ASCC3: variants seen among roughly 807,000 people sequenced by gnomAD.
The protein encoded by ASCC3 is activating signal cointegrator 1 complex subunit 3.
In ASCC3, 158 loss-of-function variants were observed where a neutral mutation model predicts 256.3. The observed-to-expected ratio is 0.62, with a 90% CI of 0.54 to 0.70. The LOEUF is 0.70. Ranked by LOEUF, ASCC3 falls within the 30% of genes least tolerant of loss-of-function variation. The pLI is 0.00. For missense variants in ASCC3, 2,259 were observed against 2,626.0 expected (o/e 0.86, Z 3.05); for synonymous variants, 948 against 883.4 (o/e 1.07, Z -1.30).
At chr6:100,643,549 T>C (rs530773448) in intron 23 of ASCC3, among the ~76,000 whole-genome samples, 4 of 152,154 alleles carry the variant, frequency 2.6e-5, no homozygotes, top group Non-Finnish European at 5.9e-5. Context: ...AAGAACATCA[T>C]AGTGTACGTA....
At chr6:100,582,959 C>G (rs1382434352) in intron 36 of ASCC3, among the ~76,000 whole-genome samples, 1 of 152,146 alleles carries the variant, frequency 6.6e-6, no homozygotes, top group Non-Finnish European at 1.5e-5. Flanking sequence ...GGTGGATAAG[C>G]TTTTTGATGT....
intron 36 of ASCC3, among the ~76,000 whole-genome samples, chr6:100,560,795 A>ACACG (rs1769900254): frequency 1.3e-5 from 2 of 150,156 alleles, no homozygotes; most frequent in African/African-American, 4.9e-5. Context: ...ACACACACGC[A>ACACG]CACATAACAG....
intron 19 of ASCC3, among the ~76,000 whole-genome samples, chr6:100,651,161 G>A (rs2114911390): frequency 6.6e-6 from 1 of 151,858 alleles, no homozygotes; most frequent in African/African-American, 2.4e-5. Flanking sequence ...GAAGTACTAT[G>A]ATTCAAAGTA....
rs758216611 is a variant in ASCC3 at position 100,646,719 on chromosome 6, G to A, written c.3529C>T (p.His1177Tyr). Residue 1177 changes from histidine (H) to tyrosine (Y), a missense_variant, in exon 22 of 42, where the codon CAT (histidine) becomes TAT (tyrosine). His to Tyr is a moderately conservative substitution (Grantham distance 83). This residue lies in a region of ASCC3 where 1,839 missense variants were observed against 2,206.7 expected (regional missense o/e 0.83). Coordinates refer to ENST00000369162, the MANE Select transcript of ASCC3 (RefSeq NM_006828.4). Reference protein sequence around the residue: ...NIGLKVKQCVHQIPSVMMEAS... With the variant: ...NIGLKVKQCVYQIPSVMMEAS... ...TCCATCATAACAGAAGGAATCTGATGAACACATTGTTTGACCTTCAGTCCA... is the reference window on the plus strand; with the variant it reads ...TCCATCATAACAGAAGGAATCTGATAAACACATTGTTTGACCTTCAGTCCA... 1 of 1,613,866 alleles carries A rather than the reference G, an allele frequency of 6.2e-7. No individual in the cohort carries two copies. Among genetic ancestry groups the A allele is most frequent in the Non-Finnish European group, 8.5e-7 (1 of 1,179,832 alleles).
chr6:100,794,328 A>G (rs1311139300), intron 8 of ASCC3, among the ~76,000 whole-genome samples: 1 of 152,110 alleles, frequency 6.6e-6, no homozygotes, highest in Non-Finnish European at 1.5e-5. Context: ...CACTCTCCAC[A>G]TATGGCCTAC....
At chr6:100,690,282 C>T (rs1044200155) in intron 13 of ASCC3, among the ~76,000 whole-genome samples, 3 of 151,966 alleles carry the variant, frequency 2.0e-5, no homozygotes, top group Non-Finnish European at 2.9e-5. Flanking sequence ...TCTACGTGTC[C>T]AGTACAGATG....
chr6:100,536,839 AGCTGGG>A (rs1213762669), intron 37 of ASCC3, among the ~76,000 whole-genome samples: 1 of 152,168 alleles, frequency 6.6e-6, no homozygotes, highest in Non-Finnish European at 1.5e-5. Flanking sequence ...CCGATTCCAA[AGCTGGG>A]GCAGGGACAG....
intron 13 of ASCC3, among the ~76,000 whole-genome samples, chr6:100,681,094 C>T (rs1209799021): frequency 2.0e-5 from 3 of 152,028 alleles, no homozygotes; most frequent in Admixed American, 6.6e-5. Flanking sequence ...ATAAACTTGT[C>T]AAGGTAAGTG....
intron 1 of ASCC3, among the ~76,000 whole-genome samples, chr6:100,877,917 CCAAA>C (rs979422337): frequency 1.3e-5 from 2 of 152,040 alleles, no homozygotes; most frequent in African/African-American, 4.8e-5. Flanking sequence ...AAGGTGGTGA[CCAAA>C]CACAGAGCAA....
At chr6:100,873,458 G>A (rs1459545209) in intron 1 of ASCC3, among the ~76,000 whole-genome samples, 1 of 152,076 alleles carries the variant, frequency 6.6e-6, no homozygotes, top group Non-Finnish European at 1.5e-5. Context: ...ATATTTGGGG[G>A]AATAATCTAA....
At chr6:100,855,043 A>G (rs1772873913) in intron 3 of ASCC3, among the ~76,000 whole-genome samples, 1 of 152,080 alleles carries the variant, frequency 6.6e-6, no homozygotes, top group African/African-American at 2.4e-5. Flanking sequence ...ATTTTCTTAT[A>G]TTTAAGGAAT....
At chr6:100,748,255 T>G (rs1780777774) in intron 10 of ASCC3, among the ~76,000 whole-genome samples, 1 of 151,874 alleles carries the variant, frequency 6.6e-6, no homozygotes, top group Non-Finnish European at 1.5e-5. Context: ...GAACAGTCAA[T>G]GTAGCACAAT....
intron 4 of ASCC3, among the ~76,000 whole-genome samples, chr6:100,814,676 A>G (rs1012850235): frequency 2.0e-5 from 3 of 152,020 alleles, no homozygotes; most frequent in African/African-American, 7.2e-5. Flanking sequence ...TTAGGAAGGT[A>G]TATGTGTCCA....
intron 13 of ASCC3, among the ~76,000 whole-genome samples, chr6:100,681,364 G>C (rs1271758497): frequency 6.6e-6 from 1 of 152,116 alleles, no homozygotes; most frequent in African/African-American, 2.4e-5. Context: ...TAAATCTTGA[G>C]ATTTCATACT....
At chr6:100,854,913 TCACTTCAGTGCAA>T (rs1436295549) in intron 3 of ASCC3, among the ~76,000 whole-genome samples, 3 of 152,166 alleles carry the variant, frequency 2.0e-5, no homozygotes, top group Non-Finnish European at 4.4e-5. Context: ...AAGATTATTT[TCACTTCAGTGCAA>T]CACTTCAGTA....
intron 34 of ASCC3, among the ~76,000 whole-genome samples, chr6:100,591,336 A>G (rs1013167730): frequency 2.6e-5 from 4 of 152,202 alleles, no homozygotes; most frequent in East Asian, 1.9e-4. Context: ...CATTCAAGCC[A>G]TATAAAAGAT....
At position 100,509,080 on chromosome 6, in the gene ASCC3, A is replaced by G; in HGVS notation, c.*306T>C. The G allele has an allele frequency of 2.7e-6, 1 of 373,134 alleles. No homozygotes were observed. The highest frequency in any genetic ancestry group is 5.1e-6 in the Non-Finnish European group (1 of 195,882). The allele number at this position is 373,134 out of a possible 1,614,324, so 23.1% of individuals were successfully genotyped here. A position where few individuals can be genotyped will look rare whatever the true frequency, so the allele number is the denominator to read the frequency against. ...TAAACAGTACATTGTGAGATGTAAAATTTGATTGATAGCTCCTAAATATCA... is the reference window on the plus strand; with the variant it reads ...TAAACAGTACATTGTGAGATGTAAAGTTTGATTGATAGCTCCTAAATATCA... On this transcript the variant is annotated 3_prime_UTR_variant, in exon 42 of 42. Coordinates refer to ENST00000369162, the MANE Select transcript of ASCC3 (RefSeq NM_006828.4).
At chr6:100,809,274 C>A (rs542046504) in intron 4 of ASCC3, among the ~76,000 whole-genome samples, 233 of 152,032 alleles carry the variant, frequency 1.5e-3, no homozygotes, top group Non-Finnish European at 2.5e-3. Flanking sequence ...TATAACAATA[C>A]CTAGCTTAAA....
rs1285632575 is a variant in ASCC3, at chr6:100,509,832, G to A, written c.6461+100C>T. ...GAACCCGGGAGGCGGAGCTTGCAGT[G>A]AGCAGAGATCGCGCCACTGCACTCC... is the stretch of plus-strand genomic sequence containing the variant. On this transcript the variant is annotated intron_variant, in intron 41 of 41. Coordinates refer to ENST00000369162, the MANE Select transcript of ASCC3 (RefSeq NM_006828.4). 4.1e-6 allele frequency: 5 copies of A among 1,227,134 alleles called. No individual in the cohort carries two copies. In the East Asian group the frequency reaches 1.2e-4, roughly 29 times the overall value. 76.0% of individuals were successfully genotyped at this position (1,227,134 alleles called of 1,614,324 possible). A position where few individuals can be genotyped will look rare whatever the true frequency, so the allele number is the denominator to read the frequency against.
Sources: allele counts gnomAD v4.1 joint callset (sites outside exome capture counted in the v4.1 genomes callset), GRCh38; gene constraint gnomAD v4.1.1; regional missense constraint gnomAD v4.1.1; transcripts MANE v1.5; gene names NCBI Gene and HGNC (gene_info 2026-07-23, HGNC 2026-07-21).